The following VIPR2 variants were observed in gnomAD, a reference collection of about 807,000 sequenced individuals.
VIPR2 encodes vasoactive intestinal peptide receptor 2.
In VIPR2, 48 loss-of-function variants were observed where a neutral mutation model predicts 58.0. The ratio of observed to expected loss-of-function variants is 0.83; its 90% confidence interval spans 0.66 to 1.05. The LOEUF is 1.05. Among genes scored for constraint, VIPR2 ranks in the 50% least tolerant of loss-of-function variants. VIPR2 has a pLI of 0.00. For missense variants in VIPR2, 534 were observed against 558.0 expected, an observed-to-expected ratio of 0.96 and a Z score of 0.43; for synonymous variants, 243 against 235.2, an observed-to-expected ratio of 1.03 and a Z score of -0.30.
At chr7:159,092,750 G>A (rs755410508) in intron 4 of VIPR2, among the ~76,000 whole-genome samples, 1 of 150,724 alleles carries the variant, frequency 6.6e-6, no homozygotes, top group Admixed American at 6.6e-5. Flanking sequence ...TCCCGGGTTC[G>A]GCTGTTCTCA....
rs574011223 is a variant in VIPR2 at position 159,103,885 on chromosome 7, C to A, written c.260-31G>T. The A allele has an allele frequency of 2.5e-6, 4 of 1,587,344 alleles. No individual in the cohort carries two copies. In the East Asian group the frequency reaches 8.9e-5, roughly 35 times the overall value. ...AAGTGAAGTTCAGATATTTTATCTGCAAGTCCATGAAAACTGGCCTTAGAA... is the reference window on the plus strand; with the variant it reads ...AAGTGAAGTTCAGATATTTTATCTGAAAGTCCATGAAAACTGGCCTTAGAA... On this transcript the variant is annotated intron_variant, in intron 3 of 12. Transcript: ENST00000262178.
chr7:159,078,031 G>A (rs1189733823), intron 4 of VIPR2, among the ~76,000 whole-genome samples: 2 of 152,226 alleles, frequency 1.3e-5, no homozygotes, highest in Non-Finnish European at 2.9e-5. Context: ...ATAAACTTCA[G>A]AGAAATCGCT....
At chr7:159,071,556 GC>G (rs1317027207) in intron 4 of VIPR2, among the ~76,000 whole-genome samples, 1 of 152,180 alleles carries the variant, frequency 6.6e-6, no homozygotes, top group African/African-American at 2.4e-5. Context: ...CAAGGCCCAG[GC>G]CCCCTCCTTG....
At chr7:159,089,725 C>T (rs1857356463) in intron 4 of VIPR2, among the ~76,000 whole-genome samples, 1 of 151,954 alleles carries the variant, frequency 6.6e-6, no homozygotes, top group South Asian at 2.1e-4. Flanking sequence ...ACAGCAAAAA[C>T]CTGTCCCAAT....
chr7:159,077,618 G>T lies in VIPR2; in HGVS notation c.358-19040C>A, dbSNP rs545698523. Among the ~76,000 whole-genome samples the T allele has an allele frequency of 4.6e-5, 7 of 151,242 alleles. No individual in the cohort carries two copies. The South Asian group carries it at 1.5e-3, about 32-fold the overall frequency. The stretch of plus-strand genomic sequence containing the variant: ...ACAGTGTACCTGTTATCAGATTCTA[G>T]CCCTGTTCAATGTCTTTGAGGTACT... On this transcript the variant is annotated intron_variant, in intron 4 of 12. Transcript: ENST00000262178.
At chr7:159,108,835 G>C (rs1043177719) in intron 3 of VIPR2, among the ~76,000 whole-genome samples, 1 of 152,226 alleles carries the variant, frequency 6.6e-6, no homozygotes, top group Non-Finnish European at 1.5e-5. Context: ...GCTACTGATT[G>C]GAGGGAACAG....
chr7:159,086,109 C>G (rs192767371), intron 4 of VIPR2, among the ~76,000 whole-genome samples: 1 of 152,158 alleles, frequency 6.6e-6, no homozygotes, highest in African/African-American at 2.4e-5. Flanking sequence ...GCGGACTGCA[C>G]GAGAATCCCC....
chr7:159,087,776 C>T (rs1449097054), intron 4 of VIPR2, among the ~76,000 whole-genome samples: 1 of 130,286 alleles, frequency 7.7e-6, no homozygotes, highest in Non-Finnish European at 1.6e-5. Flanking sequence ...CCCCAACAAA[C>T]AATACCCAGG....
Position 159,028,990 on chromosome 7 carries a change from G to A in VIPR2, c.*1626C>T, listed in dbSNP as rs1406810033. The A allele has an allele frequency of 1.3e-4, 20 of 152,360 alleles. No homozygotes were observed. Among genetic ancestry groups the A allele is most frequent in the Admixed American group, 1.3e-3 (20 of 15,286 alleles). The allele number at this position is 152,360 out of a possible 1,614,324, so 9.4% of individuals were successfully genotyped here. ...GACAGGGTGCGGACCTTTGGGGATT[G>A]AGGGGTCTCTGGACACTGCTGCTTT... On this transcript the variant is annotated 3_prime_UTR_variant, in exon 13 of 13. Coordinates refer to ENST00000262178, the MANE Select transcript of VIPR2 (RefSeq NM_003382.5).
At chr7:159,107,895 C>A (rs1485512257) in intron 3 of VIPR2, among the ~76,000 whole-genome samples, 3 of 151,890 alleles carry the variant, frequency 2.0e-5, no homozygotes, top group African/African-American at 7.2e-5. Flanking sequence ...TGATGATGCC[C>A]AGAGGCCACC....
intron 4 of VIPR2, among the ~76,000 whole-genome samples, chr7:159,063,601 G>A (rs572144504): frequency 2.0e-5 from 3 of 151,442 alleles, no homozygotes; most frequent in African/African-American, 7.3e-5. Context: ...GGGCTGAAGC[G>A]CTCCTCAAGC....
intron 2 of VIPR2, among the ~76,000 whole-genome samples, chr7:159,129,090 G>T (rs1479075864): frequency 1.3e-5 from 2 of 152,208 alleles, no homozygotes; most frequent in African/African-American, 4.8e-5. Context: ...CGCCTGGGGG[G>T]TCAGGGCCAG....
In VIPR2 at chr7:159,093,303, G is replaced by A. The variant is rs940476711; in HGVS notation, c.357+10454C>T. On this transcript the variant is annotated intron_variant, in intron 4 of 12. Coordinates refer to ENST00000262178, the MANE Select transcript of VIPR2 (RefSeq NM_003382.5). The surrounding 1 kb of genome is among the most constrained non-coding windows in gnomAD (Gnocchi z 6.7). ...AACGTCAACACAGGAGGCTGGTCTCGTCCATCTTCTCAGAGGTCATCCTTC... is the reference window on the plus strand; with the variant it reads ...AACGTCAACACAGGAGGCTGGTCTCATCCATCTTCTCAGAGGTCATCCTTC... Among the ~76,000 whole-genome samples, 3 of 152,134 alleles carry A rather than the reference G, an allele frequency of 2.0e-5. No individual in the cohort carries two copies. The highest frequency in any genetic ancestry group is 2.9e-5 in the Non-Finnish European group (2 of 68,012).
chr7:159,052,927 T>C (rs1014808362), intron 5 of VIPR2, among the ~76,000 whole-genome samples: 3 of 152,250 alleles, frequency 2.0e-5, no homozygotes, highest in Non-Finnish European at 4.4e-5. Context: ...ATCATGCTTA[T>C]AGTGAAGTAT....
chr7:159,109,769 A>G (rs1208757581), intron 3 of VIPR2, 43 bp downstream of exon 3: 1 of 1,580,734 alleles, frequency 6.3e-7, no homozygotes, highest in Admixed American at 1.7e-5. Context: ...GCTCAGATGC[A>G]AACACCCTGG....
rs765559020 is a variant in VIPR2 at position 159,043,134 on chromosome 7, G to A, written c.498C>T (p.Phe166=). Residue 166 remains phenylalanine, a synonymous_variant, in exon 6 of 13, where the codon TTC becomes TTT. Transcript: ENST00000262178. Reference sequence around the variant, plus strand: ...AGATGGCTCTCAGGATGAAGGACAGGAACAGGTTCAGGTGGATGTAATTCC... The same window carrying A: ...AGATGGCTCTCAGGATGAAGGACAGAAACAGGTTCAGGTGGATGTAATTCC... ...CTRNYIHLNL[F]LSFILRAISV... 3.1e-6 allele frequency: 5 copies of A among 1,612,558 alleles called. No individual in the cohort carries two copies. Among genetic ancestry groups the A allele is most frequent in the Non-Finnish European group, 3.4e-6 (4 of 1,179,288 alleles).
rs913295125 is a variant in VIPR2 at position 159,114,335 on chromosome 7, C to G, written c.152-4416G>C. Reference sequence around the variant, plus strand: ...AGAGAAGCACAGCCACTTGGAGACGCCTGTCTGTTTGGAAAGCAGTGGGCA... The same window carrying G: ...AGAGAAGCACAGCCACTTGGAGACGGCTGTCTGTTTGGAAAGCAGTGGGCA... On this transcript the variant is annotated intron_variant, in intron 2 of 12. Transcript: ENST00000262178. Among the ~76,000 whole-genome samples, 14 of 151,796 alleles carry G rather than the reference C, an allele frequency of 9.2e-5. No individual in the cohort carries two copies. The South Asian group carries it at 1.5e-3, about 16-fold the overall frequency.
intron 2 of VIPR2, among the ~76,000 whole-genome samples, chr7:159,131,863 C>T (rs538827016): frequency 1.3e-4 from 20 of 152,272 alleles, no homozygotes; most frequent in South Asian, 2.1e-4. Context: ...CAGACATAAG[C>T]GACACTTAAC....
Position 159,036,001 on chromosome 7 carries a change from C to T in VIPR2, c.760G>A (p.Val254Ile), listed in dbSNP as rs145308657. 2.1e-4 allele frequency: 341 copies of T among 1,613,294 alleles called. No individual in the cohort carries two copies. The highest frequency in any genetic ancestry group is 1.2e-3 in the Middle Eastern group (7 of 5,976). ...GCCGCAGTCCATGCACCGATGCAGACGGTGGGGAGGCCTGCAGAGAGACGC... is the reference window on the plus strand; with the variant it reads ...GCCGCAGTCCATGCACCGATGCAGATGGTGGGGAGGCCTGCAGAGAGACGC... ...YLLIGWGLPT[V>I]CIGAWTAARL... The change falls in exon 8 of 13, where the codon GTC (valine) becomes ATC (isoleucine). Residue 254 changes from valine to isoleucine, a missense_variant. This residue lies in a region of VIPR2 where 306 missense variants were observed against 285.8 expected (regional missense o/e 1.07). Transcript: ENST00000262178.
Sources: allele counts gnomAD v4.1 joint callset (sites outside exome capture counted in the v4.1 genomes callset), GRCh38; gene constraint gnomAD v4.1.1; regional missense constraint gnomAD v4.1.1; non-coding constraint Gnocchi (gnomAD v3.1); transcripts MANE v1.5; gene names NCBI Gene and HGNC (gene_info 2026-07-23, HGNC 2026-07-21).